Variants in ZNF567 observed in about 807,000 individuals in gnomAD.
ZNF567 encodes the protein zinc finger protein 567.
In ZNF567, 36 loss-of-function variants were observed where a neutral mutation model predicts 53.9. That is an observed-to-expected ratio of 0.67 (90% confidence interval 0.51 to 0.88). The LOEUF is 0.88. Among genes scored for constraint, ZNF567 ranks in the 40% least tolerant of loss-of-function variants. The probability of loss-of-function intolerance (pLI) is 0.00; values close to 1 mark genes in which losing one functional copy is unlikely to be tolerated. For missense variants in ZNF567, 619 were observed against 764.7 expected, an observed-to-expected ratio of 0.81 and a Z score of 2.25; for synonymous variants, 224 against 260.4, an observed-to-expected ratio of 0.86 and a Z score of 1.35.
At chr19:36,686,671 T>A (rs1402765947), upstream of ZNF567, 1 of 152,210 alleles carries the variant, frequency 6.6e-6, no homozygotes, top group Non-Finnish European at 1.5e-5. Flanking sequence ...AGAACTCTGC[T>A]TAAGGGACAC....
chr19:36,702,908 G>A (rs1305997170), intron 3 of ZNF567, among the ~76,000 whole-genome samples: 1 of 152,110 alleles, frequency 6.6e-6, no homozygotes, highest in East Asian at 1.9e-4. Flanking sequence ...ATCATCTGAA[G>A]CCTTCTTCTC....
At chr19:36,724,901 T>C (rs2040329600), downstream of ZNF567, among the ~76,000 whole-genome samples, 1 of 152,000 alleles carries the variant, frequency 6.6e-6, no homozygotes, top group Non-Finnish European at 1.5e-5. Flanking sequence ...TTCCATCACT[T>C]ATTTTCCTTC....
chr19:36,681,918 G>T, the ZNF567 span, among the ~76,000 whole-genome samples: 3 of 151,904 alleles, frequency 2.0e-5, no homozygotes, highest in African/African-American at 4.8e-5. Flanking sequence ...AGTAGTATAA[G>T]ACTTAAGACA....
chr19:36,703,184 G>A (rs1355551162), intron 3 of ZNF567, among the ~76,000 whole-genome samples: 1 of 152,166 alleles, frequency 6.6e-6, no homozygotes, highest in Non-Finnish European at 1.5e-5. Context: ...GTTTGCTAGA[G>A]GTCCACTCCA....
intron 5 of ZNF567, among the ~76,000 whole-genome samples, chr19:36,715,956 A>G (rs1008801358): frequency 2.0e-5 from 3 of 152,092 alleles, no homozygotes; most frequent in Non-Finnish European, 2.9e-5. Flanking sequence ...ACATCCTCCC[A>G]TATTCTGATT....
the ZNF567 span, chr19:36,668,045 A>G: frequency 6.6e-6 from 1 of 151,958 alleles, no homozygotes; most frequent in African/African-American, 2.4e-5. Flanking sequence ...CTCCTCCCGC[A>G]TCCACCTCCC....
At chr19:36,670,659 T>A in the ZNF567 span, among the ~76,000 whole-genome samples, 2 of 152,206 alleles carry the variant, frequency 1.3e-5, no homozygotes, top group African/African-American at 4.8e-5. Flanking sequence ...TTCTCCATCC[T>A]TGTTATTTAA....
At chr19:36,667,374 TGC>T in the ZNF567 span, among the ~76,000 whole-genome samples, 2 of 150,660 alleles carry the variant, frequency 1.3e-5, no homozygotes, top group South Asian at 4.2e-4. Context: ...TGATGGCGCA[TGC>T]CTGTAATCCC....
At chr19:36,709,079 A>G (rs754913319) in intron 3 of ZNF567, among the ~76,000 whole-genome samples, 27 of 152,284 alleles carry the variant, frequency 1.8e-4, no homozygotes, top group African/African-American at 5.8e-4. Context: ...TATGTTTGCA[A>G]TAAGTGGTAT....
downstream of ZNF567, among the ~76,000 whole-genome samples, chr19:36,722,937 A>T (rs1238186181): frequency 1.3e-5 from 2 of 150,260 alleles, no homozygotes; most frequent in Non-Finnish European, 2.9e-5. Context: ...TAGCCTTAAT[A>T]ATTTATATAT....
chr19:36,712,303 C>G (rs373197964), intron 3 of ZNF567, 83 bp from the exon 4 acceptor site: 61 of 1,432,402 alleles, frequency 4.3e-5, no homozygotes, highest in Non-Finnish European at 9.5e-6. Context: ...CTACCTCAGC[C>G]TCCCAAAGTG....
chr19:36,685,764 A>G (rs948940810), upstream of ZNF567: 2 of 152,214 alleles, frequency 1.3e-5, no homozygotes, highest in African/African-American at 4.8e-5. Flanking sequence ...TAACCACCTC[A>G]AAAGTTTATG....
intron 5 of ZNF567, among the ~76,000 whole-genome samples, chr19:36,714,200 A>T (rs3108212): frequency 3.1e-4 from 47 of 151,982 alleles, no homozygotes; most frequent in African/African-American, 1.1e-3. Flanking sequence ...CTTACTCTGT[A>T]GCCCAGGCTG....
In ZNF567 at chr19:36,720,765, C is replaced by T. The variant is rs999955723; in HGVS notation, c.*97C>T. On this transcript the variant is annotated 3_prime_UTR_variant, in exon 6 of 6. Transcript: ENST00000682579. ...GAAACATGTTAATGTAATTTTAAAT[C>T]ACAAGTCTAATAATTATTAAAGTAC... is the stretch of plus-strand genomic sequence containing the variant. The T allele has an allele frequency of 3.6e-6, 4 of 1,109,734 alleles. No individual in the cohort carries two copies. The East Asian group carries it at 1.0e-4, about 28-fold the overall frequency. The allele number at this position is 1,109,734 out of a possible 1,614,324, so 68.7% of individuals were successfully genotyped here.
chr19:36,667,774 C>G, the ZNF567 span, among the ~76,000 whole-genome samples: 2 of 151,316 alleles, frequency 1.3e-5, no homozygotes, highest in Non-Finnish European at 3.0e-5. Context: ...CTCAGCCTCC[C>G]GAGTAGCTGG....
chr19:36,710,676 C>T (rs1049608880), intron 3 of ZNF567, among the ~76,000 whole-genome samples: 1 of 152,124 alleles, frequency 6.6e-6, no homozygotes, highest in African/African-American at 2.4e-5. Context: ...TTCTCTCAAT[C>T]AAGGAATTGG....
rs760336131 is a variant in ZNF567, at chr19:36,719,219, T to C, written c.495T>C (p.Tyr165=). ...ARKRLSEYNG[Y]GKSLLSTKQE... ...AGAGACTTAGTGAGTATAATGGATA[T>C]GGGAAATCACTCCTGAGTACTAAAC... The change falls in exon 6 of 6, where the codon TAT becomes TAC. Residue 165 remains tyrosine, a synonymous_variant. Transcript: ENST00000682579. 2 of 1,614,084 alleles carry C rather than the reference T, an allele frequency of 1.2e-6. No homozygotes were observed. Among genetic ancestry groups the C allele is most frequent in the Non-Finnish European group, 1.7e-6 (2 of 1,180,000 alleles).
chr19:36,673,497 T>C, the ZNF567 span, among the ~76,000 whole-genome samples: 2 of 152,192 alleles, frequency 1.3e-5, no homozygotes, highest in Admixed American at 6.5e-5. Flanking sequence ...AAGTTCTTAA[T>C]AGTACAAAGG....
intron 5 of ZNF567, among the ~76,000 whole-genome samples, chr19:36,715,524 T>C (rs867175911): frequency 1.5e-5 from 2 of 135,830 alleles, no homozygotes; most frequent in African/African-American, 2.8e-5. Flanking sequence ...TTATTATTAT[T>C]ATTATTATTA....
Sources: allele counts gnomAD v4.1 joint callset (sites outside exome capture counted in the v4.1 genomes callset), GRCh38; gene constraint gnomAD v4.1.1; transcripts MANE v1.5; gene names NCBI Gene and HGNC (gene_info 2026-07-23, HGNC 2026-07-21).